The following CTNNA3 variants were observed in gnomAD, a reference collection of about 807,000 sequenced individuals.
The protein encoded by CTNNA3 is catenin alpha-3.
In CTNNA3, 76 loss-of-function variants were observed where a neutral mutation model predicts 95.7. That is an observed-to-expected ratio of 0.79 (90% CI 0.66 to 0.96). The LOEUF (loss-of-function observed/expected upper bound fraction) is 0.96. Ranked by LOEUF, CTNNA3 falls within the 40% of genes least tolerant of loss-of-function variation. The probability of loss-of-function intolerance (pLI) is 0.00; values close to 1 mark genes in which losing one functional copy is unlikely to be tolerated. For synonymous variants in CTNNA3, 431 were observed against 374.4 expected (o/e 1.15, Z -1.74); for missense variants, 1,191 against 1,089.8 (o/e 1.09, Z -1.31).
chr10:66,209,838 T>C (rs2088017130), intron 13 of CTNNA3, among the ~76,000 whole-genome samples: 1 of 152,122 alleles, frequency 6.6e-6, no homozygotes, highest in African/African-American at 2.4e-5. Context: ...GTATGTGTAG[T>C]AGCTCGTATT....
rs767780484 is a variant in CTNNA3, at chr10:67,647,492, T to C, written c.22A>G (p.Thr8Ala). 4 of 1,613,304 alleles carry C rather than the reference T, an allele frequency of 2.5e-6. No homozygotes were observed. The South Asian group carries it at 4.4e-5, about 18-fold the overall frequency. The change falls in exon 2 of 18, where the codon ACA becomes GCA. Residue 8 changes from threonine to alanine, a missense_variant. Transcript: ENST00000433211. The part of the protein sequence containing the change: MSAETPI[T>A]LNIDPQDLQV... ...AGATCCTGAGGATCGATATTCAATG[T>C]GATTGGTGTTTCAGCTGACATGCTG...
At chr10:67,380,901 T>C (rs996386620) in intron 5 of CTNNA3, among the ~76,000 whole-genome samples, 8 of 152,210 alleles carry the variant, frequency 5.3e-5, no homozygotes, top group African/African-American at 1.9e-4. Context: ...TAAAATAGGT[T>C]AGCAGAGAGC....
At chr10:67,431,450 A>G (rs1253093200) in intron 5 of CTNNA3, among the ~76,000 whole-genome samples, 1 of 152,040 alleles carries the variant, frequency 6.6e-6, no homozygotes, top group Non-Finnish European at 1.5e-5. Context: ...CCCATGAGAT[A>G]GATACCTATG....
chr10:66,225,390 A>AATATATATATATATATAT (rs3053735), intron 13 of CTNNA3, among the ~76,000 whole-genome samples: 12 of 125,974 alleles, frequency 9.5e-5, no homozygotes, highest in South Asian at 5.2e-4. Flanking sequence ...ATTTTATTCA[A>AATATATATATATATATAT]ATATATATAT....
At chr10:67,081,464 T>G (rs886857929) in intron 7 of CTNNA3, among the ~76,000 whole-genome samples, 2 of 152,202 alleles carry the variant, frequency 1.3e-5, no homozygotes, top group Admixed American at 1.3e-4. Context: ...TTATATCCAT[T>G]TAACAGTGCC....
chr10:66,478,713 T>C (rs1230798080), intron 11 of CTNNA3, among the ~76,000 whole-genome samples: 1 of 151,836 alleles, frequency 6.6e-6, no homozygotes, highest in African/African-American at 2.4e-5. Context: ...TTAAAATAAA[T>C]TTCATGAAAT....
At chr10:67,533,567 T>C (rs1439905117) in intron 4 of CTNNA3, among the ~76,000 whole-genome samples, 1 of 152,180 alleles carries the variant, frequency 6.6e-6, no homozygotes, top group Non-Finnish European at 1.5e-5. Context: ...TTACCTTTCA[T>C]TTGGACCTGT....
At chr10:67,088,032 T>C (rs1407652972) in intron 7 of CTNNA3, among the ~76,000 whole-genome samples, 1 of 151,874 alleles carries the variant, frequency 6.6e-6, no homozygotes, top group African/African-American at 2.4e-5. Context: ...AGACATATAA[T>C]AATATCATGT....
intron 7 of CTNNA3, among the ~76,000 whole-genome samples, chr10:67,045,228 C>A (rs1306010631): frequency 6.6e-6 from 1 of 152,216 alleles, no homozygotes; most frequent in Middle Eastern, 3.4e-3. Flanking sequence ...GATTACTCTA[C>A]CAACATTTAT....
chr10:66,941,287 T>C (rs911182983), intron 7 of CTNNA3, among the ~76,000 whole-genome samples: 1 of 152,214 alleles, frequency 6.6e-6, no homozygotes, highest in African/African-American at 2.4e-5. Context: ...CTGAACACAA[T>C]TTGACTCACT....
chr10:66,036,705 A>G (rs4746543), intron 15 of CTNNA3, among the ~76,000 whole-genome samples: 50,217 of 151,866 alleles, frequency 0.33, 8,326 homozygotes, highest in South Asian at 0.42. Flanking sequence ...CAGTTTGAGA[A>G]CAACCGTTTT....
intron 16 of CTNNA3, among the ~76,000 whole-genome samples, chr10:65,976,772 C>T (rs2078214124): frequency 2.6e-5 from 4 of 152,166 alleles, no homozygotes; most frequent in Admixed American, 2.6e-4. Flanking sequence ...CTCCTTTGGG[C>T]CACTTTTATG....
chr10:67,068,410 CTG>C (rs1856225025), intron 7 of CTNNA3, among the ~76,000 whole-genome samples: 1 of 152,142 alleles, frequency 6.6e-6, no homozygotes, highest in South Asian at 2.1e-4. Context: ...TTCGATGGAT[CTG>C]TCTGTTAAGT....
chr10:66,155,359 C>T (rs144395728), intron 13 of CTNNA3, among the ~76,000 whole-genome samples: 7 of 151,960 alleles, frequency 4.6e-5, no homozygotes, highest in African/African-American at 1.4e-4. Context: ...TCCTACTCAA[C>T]TGGAAAATCA....
chr10:67,491,997 T>C (rs749965356), intron 5 of CTNNA3, among the ~76,000 whole-genome samples: 1 of 152,042 alleles, frequency 6.6e-6, no homozygotes. Context: ...CTGGATAAAA[T>C]CTTGAATTGA....
chr10:66,559,198 C>T (rs1474725909), intron 10 of CTNNA3, among the ~76,000 whole-genome samples: 2 of 152,024 alleles, frequency 1.3e-5, no homozygotes, highest in Non-Finnish European at 2.9e-5. Context: ...CTCCTTGCAG[C>T]CAATCAGACC....
At chr10:66,893,701 A>G (rs937465731) in intron 7 of CTNNA3, among the ~76,000 whole-genome samples, 7 of 152,168 alleles carry the variant, frequency 4.6e-5, no homozygotes, top group African/African-American at 1.7e-4. Context: ...AGGGAAACCT[A>G]ATGTACTCAA....
intron 7 of CTNNA3, among the ~76,000 whole-genome samples, chr10:66,797,685 G>A (rs751953803): frequency 5.9e-5 from 9 of 151,926 alleles, no homozygotes; most frequent in Non-Finnish European, 1.3e-4. Context: ...TTTAAAAACC[G>A]AGGTTGGAGC....
At chr10:66,087,413 T>G (rs2081027564) in intron 14 of CTNNA3, among the ~76,000 whole-genome samples, 1 of 152,282 alleles carries the variant, frequency 6.6e-6, no homozygotes, top group South Asian at 2.1e-4. Context: ...ACAATGATGG[T>G]GCTTCATTGG....
Sources: allele counts gnomAD v4.1 joint callset (sites outside exome capture counted in the v4.1 genomes callset), GRCh38; gene constraint gnomAD v4.1.1; transcripts MANE v1.5; gene names NCBI Gene and HGNC (gene_info 2026-07-23, HGNC 2026-07-21).